The following LHPP variants were observed in gnomAD, a reference collection of about 807,000 sequenced individuals.
LHPP encodes the protein phospholysine phosphohistidine inorganic pyrophosphate phosphatase, also known as hLHPP.
In LHPP, 24 loss-of-function variants were observed where a neutral mutation model predicts 30.3. That is an observed-to-expected ratio of 0.79 (90% CI 0.57 to 1.11). The LOEUF (loss-of-function observed/expected upper bound fraction) is 1.11, where lower values mean the gene tolerates loss of function less well. Ranked by LOEUF, LHPP falls within the 50% of genes most tolerant of loss-of-function variation. LHPP has a pLI of 0.00. For synonymous variants in LHPP, 150 were observed against 157.1 expected (o/e 0.95, Z 0.34); for missense variants, 356 against 367.2 (o/e 0.97, Z 0.25).
intron 5 of LHPP, chr10:124,498,806 T>G: frequency 2.4e-6 from 1 of 409,860 alleles, no homozygotes; most frequent in Non-Finnish European, 4.8e-6. Context: ...TTAACCCCCT[T>G]ACTAACCAGG....
chr10:124,495,828 G>A (rs1474497067), intron 3 of LHPP, among the ~76,000 whole-genome samples: 2 of 152,190 alleles, frequency 1.3e-5, no homozygotes, highest in East Asian at 1.9e-4. Flanking sequence ...AACTTTGCAT[G>A]CGTTATTTTG....
In LHPP at chr10:124,496,799, G is replaced by A. The variant is rs377481265; in HGVS notation, c.468-162G>A. On this transcript the variant is annotated intron_variant, in intron 3 of 6. Transcript: ENST00000368842. The surrounding 1 kb of genome is among the most constrained non-coding windows in gnomAD (Gnocchi z 4.3). ...GCCTGCCGCCCGGCTCTGTGGTGCT[G>A]GTCCCCTGCGGTCATTCTCAGCGTA... Among the ~76,000 whole-genome samples the A allele has an allele frequency of 6.6e-6, 1 of 152,234 alleles. No homozygotes were observed. Among genetic ancestry groups the A allele is most frequent in the Non-Finnish European group, 1.5e-5 (1 of 68,038 alleles).
intron 5 of LHPP, among the ~76,000 whole-genome samples, chr10:124,512,122 G>T (rs1301187055): frequency 6.6e-6 from 1 of 152,178 alleles, no homozygotes; most frequent in Non-Finnish European, 1.5e-5. Flanking sequence ...CACTTGTCGT[G>T]AGCTCCGTAA....
intron 1 of LHPP, among the ~76,000 whole-genome samples, chr10:124,463,905 C>T (rs114164113): frequency 9.5e-4 from 144 of 151,386 alleles, no homozygotes; most frequent in African/African-American, 3.3e-3. Flanking sequence ...CAACCTCTAC[C>T]TCAAGGGCTC....
intron 6 of LHPP, among the ~76,000 whole-genome samples, chr10:124,598,866 TATCC>T (rs376942616): frequency 7.0e-6 from 1 of 143,172 alleles, no homozygotes; most frequent in African/African-American, 2.7e-5. Context: ...TCCATCCCCC[TATCC>T]ATCCCTGTCC....
In LHPP at chr10:124,510,131, T is replaced by G. The variant is rs1954262409; in HGVS notation, c.625-7049T>G. Among the ~76,000 whole-genome samples, 1 of 152,158 alleles carries G rather than the reference T, an allele frequency of 6.6e-6. No homozygotes were observed. The highest frequency in any genetic ancestry group is 1.5e-5 in the Non-Finnish European group (1 of 68,024). On this transcript the variant is annotated intron_variant, in intron 5 of 6. Coordinates refer to ENST00000368842, the MANE Select transcript of LHPP (RefSeq NM_022126.4). This position sits in a 1 kb window ranked among gnomAD's most constrained non-coding sequence, Gnocchi z 4.0. ...TTTCTCCGCCTCACACCCCACCATG[T>G]CGTGTCTGAAAGGAAGCGAAGCCCA...
chr10:124,536,192 T>G (rs1023284924), intron 6 of LHPP, among the ~76,000 whole-genome samples: 2 of 152,246 alleles, frequency 1.3e-5, no homozygotes, highest in Admixed American at 6.5e-5. Context: ...TCCATGGGCT[T>G]GGGCCTGCCT....
At chr10:124,495,623 C>A (rs1424417769) in intron 3 of LHPP, among the ~76,000 whole-genome samples, 1 of 152,190 alleles carries the variant, frequency 6.6e-6, no homozygotes, top group African/African-American at 2.4e-5. Flanking sequence ...CCCAGGGCAG[C>A]TCCCGAGGAG....
chr10:124,509,619 G>T (rs1954250025), intron 5 of LHPP, among the ~76,000 whole-genome samples: 2 of 150,570 alleles, frequency 1.3e-5, no homozygotes, highest in Admixed American at 1.3e-4. Flanking sequence ...CCTTATGAAG[G>T]TGTCCGACCA....
chr10:124,470,435 A>G (rs1952694669), intron 1 of LHPP, among the ~76,000 whole-genome samples: 2 of 152,100 alleles, frequency 1.3e-5, no homozygotes, highest in African/African-American at 4.8e-5. Flanking sequence ...CCTTCCGTCC[A>G]GTAGCACCTC....
chr10:124,501,603 A>G (rs1483218704), intron 5 of LHPP, among the ~76,000 whole-genome samples: 1 of 124,450 alleles, frequency 8.0e-6, no homozygotes, highest in Non-Finnish European at 1.7e-5. Context: ...CTCTGTCTTA[A>G]AAAAAAAAAA....
chr10:124,536,706 C>T lies in LHPP; in HGVS notation c.716+19435C>T, dbSNP rs187150879. Among the ~76,000 whole-genome samples, 22 of 152,248 alleles carry T rather than the reference C, an allele frequency of 1.4e-4. No individual in the cohort carries two copies. The East Asian group carries it at 2.5e-3, about 17-fold the overall frequency. On this transcript the variant is annotated intron_variant, in intron 6 of 6. Coordinates refer to ENST00000368842, the MANE Select transcript of LHPP (RefSeq NM_022126.4). ...ACCTGGTGCCATTTTGGAAGGGACCCCTGAAGGCAGGAAGCAGGACAGACC... is the reference window on the plus strand; with the variant it reads ...ACCTGGTGCCATTTTGGAAGGGACCTCTGAAGGCAGGAAGCAGGACAGACC...
chr10:124,503,418 G>A (rs1953970581), intron 5 of LHPP, among the ~76,000 whole-genome samples: 1 of 152,090 alleles, frequency 6.6e-6, no homozygotes, highest in African/African-American at 2.4e-5. Context: ...CCAGTATGGT[G>A]CAGGGAAGCC....
At chr10:124,562,134 C>A (rs1202365927) in intron 6 of LHPP, among the ~76,000 whole-genome samples, 3 of 152,022 alleles carry the variant, frequency 2.0e-5, no homozygotes, top group Non-Finnish European at 4.4e-5. Flanking sequence ...ACAGGGAGAC[C>A]TTGTCTCTAC....
intron 6 of LHPP, among the ~76,000 whole-genome samples, chr10:124,555,994 C>T (rs1480801044): frequency 6.6e-6 from 1 of 151,742 alleles, no homozygotes; most frequent in Non-Finnish European, 1.5e-5. Context: ...CCCCAGTGCC[C>T]ACTATTTATT....
intron 6 of LHPP, among the ~76,000 whole-genome samples, chr10:124,531,080 T>C (rs10901753): frequency 0.99 from 151,570 of 152,332 alleles, 75,416 homozygotes; most frequent in East Asian, 1. Context: ...CTGGAGCCTT[T>C]ATGCATGCTG....
At chr10:124,498,312 A>G (rs1425071151) in intron 5 of LHPP, 184 bp downstream of exon 5, 1 of 1,578,598 alleles carries the variant, frequency 6.3e-7, no homozygotes, top group Admixed American at 1.9e-5. Flanking sequence ...TCCACTGAAT[A>G]GTTTCAACCG....
chr10:124,511,738 A>G (rs754614941), intron 5 of LHPP, among the ~76,000 whole-genome samples: 4 of 152,156 alleles, frequency 2.6e-5, no homozygotes, highest in Non-Finnish European at 5.9e-5. Context: ...TACTTTCTCA[A>G]TGGCTCCTGA....
At chr10:124,462,035 G>A in intron 1 of LHPP, 48 bp downstream of exon 1, 2 of 1,193,204 alleles carry the variant, frequency 1.7e-6, no homozygotes, top group Non-Finnish European at 2.1e-6. Flanking sequence ...TCTAAGCTCA[G>A]CCCGCTCCCT....
Sources: allele counts gnomAD v4.1 joint callset (sites outside exome capture counted in the v4.1 genomes callset), GRCh38; gene constraint gnomAD v4.1.1; non-coding constraint Gnocchi (gnomAD v3.1); transcripts MANE v1.5; gene names NCBI Gene and HGNC (gene_info 2026-07-23, HGNC 2026-07-21).